GPHN: variants seen among roughly 807,000 people sequenced by gnomAD.
GPHN encodes the protein gephyrin.
A neutral mutation model predicts 95.5 loss-of-function variants in GPHN; 17 were observed. That is an observed-to-expected ratio of 0.18 (90% CI 0.12 to 0.27). GPHN has a LOEUF of 0.27. Among genes scored for constraint, GPHN ranks in the 10% least tolerant of loss-of-function variants. GPHN has a pLI of 1.00. For synonymous variants in GPHN, 320 were observed against 322.5 expected, an observed-to-expected ratio of 0.99 and a Z score of 0.08; for missense variants, 660 against 978.1, an observed-to-expected ratio of 0.67 and a Z score of 4.34.
At chr14:67,024,775 T>C (rs1281245315) in intron 10 of GPHN, among the ~76,000 whole-genome samples, 2 of 152,196 alleles carry the variant, frequency 1.3e-5, no homozygotes, top group African/African-American at 2.4e-5. Context: ...AGGGTTTTTA[T>C]TGGGGTTGGG....
chr14:66,519,531 G>A (rs893546730), intron 1 of GPHN, among the ~76,000 whole-genome samples: 2 of 151,840 alleles, frequency 1.3e-5, no homozygotes, highest in African/African-American at 4.8e-5. Flanking sequence ...TGCTTCTTAA[G>A]ATTCAGCAAC....
chr14:67,715,038 A>C, the GPHN span: 131 of 152,450 alleles, frequency 8.6e-4, no homozygotes, highest in African/African-American at 3.0e-3. Context: ...CTAAGGGCCA[A>C]GATAACTTCC....
chr14:67,466,430 G>A, the GPHN span, among the ~76,000 whole-genome samples: 12 of 152,366 alleles, frequency 7.9e-5, 1 homozygote, highest in South Asian at 1.4e-3. Context: ...GGTTTGGAAA[G>A]AGGGAGGAGG....
At chr14:67,724,689 G>A in the GPHN span, 1 of 950,190 alleles carries the variant, frequency 1.1e-6, no homozygotes, top group South Asian at 1.3e-5. Flanking sequence ...TCCTAGGCTT[G>A]GGGGCTCTGA....
chr14:67,690,455 G>A, the GPHN span: 7 of 1,585,738 alleles, frequency 4.4e-6, no homozygotes, highest in East Asian at 1.3e-4. Context: ...TGAAGTTCAG[G>A]GCCATGTAGG....
chr14:66,938,094 G>C (rs2067222396), intron 8 of GPHN, among the ~76,000 whole-genome samples: 3 of 152,118 alleles, frequency 2.0e-5, no homozygotes, highest in Admixed American at 2.0e-4. Context: ...TATTTGATTA[G>C]ATGACCATCA....
At chr14:67,323,634 A>C in the GPHN span, 4 of 418,432 alleles carry the variant, frequency 9.6e-6, no homozygotes, top group Admixed American at 9.0e-5. Context: ...ATATATATAT[A>C]TATCAGTATT....
At chr14:67,219,443 G>C in the GPHN span, among the ~76,000 whole-genome samples, 1 of 152,226 alleles carries the variant, frequency 6.6e-6, no homozygotes, top group South Asian at 2.1e-4. Flanking sequence ...TCACATCTTA[G>C]CAGTTTATTC....
chr14:67,005,285 T>C lies in GPHN; in HGVS notation c.964-18348T>C, dbSNP rs145893094. ...CCACAATATTTACAGTCGTAAATCC[T>C]AAATCTATTGTATATATTTAAGATT... On this transcript the variant is annotated intron_variant, in intron 9 of 22. Transcript: ENST00000478722. Among the ~76,000 whole-genome samples, 455 of 152,012 alleles carry C rather than the reference T, an allele frequency of 3.0e-3. 3 individuals carry two copies. The highest frequency in any genetic ancestry group is 0.011 in the African/African-American group (437 of 41,544).
chr14:66,838,453 A>G (rs930112027), intron 4 of GPHN, among the ~76,000 whole-genome samples: 1 of 152,156 alleles, frequency 6.6e-6, no homozygotes, highest in African/African-American at 2.4e-5. Context: ...ATATCAAAGA[A>G]GACATGTTAA....
chr14:66,511,849 A>T (rs1402075419), intron 1 of GPHN, among the ~76,000 whole-genome samples: 1 of 151,920 alleles, frequency 6.6e-6, no homozygotes, highest in Non-Finnish European at 1.5e-5. Flanking sequence ...ACTTTTTTTT[A>T]AATCAGGAAA....
the GPHN span, among the ~76,000 whole-genome samples, chr14:67,552,057 C>T: frequency 6.6e-6 from 1 of 152,180 alleles, no homozygotes; most frequent in South Asian, 2.1e-4. Context: ...TGACAAGGAG[C>T]TGTACACTTG....
chr14:67,286,787 G>A, the GPHN span, among the ~76,000 whole-genome samples: 7 of 144,702 alleles, frequency 4.8e-5, no homozygotes, highest in Non-Finnish European at 1.0e-4. Flanking sequence ...AACCTGAGAA[G>A]TTGAGGCTGC....
At chr14:67,650,689 G>A in the GPHN span, 19 of 1,610,194 alleles carry the variant, frequency 1.2e-5, no homozygotes, top group East Asian at 2.7e-4. Flanking sequence ...GGGAACCTGA[G>A]GTTTTGTCAC....
chr14:67,350,774 A>AT, the GPHN span: 4 of 1,314,230 alleles, frequency 3.0e-6, no homozygotes, highest in East Asian at 9.7e-5. Flanking sequence ...TTTAATAACC[A>AT]TCAGTATTTT....
the GPHN span, chr14:67,395,335 A>C: frequency 4.2e-5 from 58 of 1,366,924 alleles, no homozygotes; most frequent in Non-Finnish European, 5.2e-5. Flanking sequence ...CCCAAGGGGC[A>C]GGGTCCCCTG....
chr14:67,239,832 G>A, the GPHN span, among the ~76,000 whole-genome samples: 7 of 152,080 alleles, frequency 4.6e-5, no homozygotes, highest in African/African-American at 1.7e-4. Context: ...CTCCAGCCTG[G>A]GCAAAAGAGC....
chr14:66,879,204 T>A (rs1439341676), intron 4 of GPHN, among the ~76,000 whole-genome samples: 1 of 151,866 alleles, frequency 6.6e-6, no homozygotes, highest in Non-Finnish European at 1.5e-5. Context: ...CCAGGGCCTG[T>A]CAGGGGATGG....
chr14:66,635,551 G>C (rs1860071370), intron 1 of GPHN, among the ~76,000 whole-genome samples: 1 of 152,106 alleles, frequency 6.6e-6, no homozygotes. Context: ...CTGGTCCTCT[G>C]AGTGATCCTG....
Sources: gnomAD v4.1 joint callset for allele counts (sites outside exome capture counted in the v4.1 genomes callset) on GRCh38, gnomAD v4.1.1 for gene constraint, MANE v1.5 for transcripts, NCBI Gene and HGNC (gene_info 2026-07-23, HGNC 2026-07-21) for gene names.